ZNF277: variants seen among roughly 807,000 people sequenced by gnomAD.
ZNF277 encodes the protein zinc finger protein 277.
Under a neutral mutation model 60.7 loss-of-function variants are expected in ZNF277, and 55 were observed. The ratio of observed to expected loss-of-function variants is 0.91; its 90% CI spans 0.73 to 1.13. ZNF277 has a LOEUF of 1.13. Among genes scored for constraint, ZNF277 ranks in the 50% most tolerant of loss-of-function variants. ZNF277 has a pLI of 0.00. For missense variants in ZNF277, 510 were observed against 523.0 expected (o/e 0.98, Z 0.24); for synonymous variants, 178 against 179.3 (o/e 0.99, Z 0.06).
chr7:112,326,159 C>G (rs1174054432), intron 5 of ZNF277, among the ~76,000 whole-genome samples: 1 of 150,830 alleles, frequency 6.6e-6, no homozygotes, highest in Non-Finnish European at 1.5e-5. Context: ...AACCTCCCAA[C>G]CCACCCATAC....
chr7:112,336,018 T>C, intron 7 of ZNF277, 86 bp from the exon 8 acceptor site: 1 of 1,126,462 alleles, frequency 8.9e-7, no homozygotes, highest in South Asian at 1.5e-5. Flanking sequence ...GTTTATTTTT[T>C]TGGTTTTGAT....
chr7:112,264,170 T>G (rs766174502), intron 1 of ZNF277, among the ~76,000 whole-genome samples: 1 of 152,024 alleles, frequency 6.6e-6, no homozygotes, highest in Non-Finnish European at 1.5e-5. Context: ...AATATTACTG[T>G]GCATAAGCCA....
At chr7:112,277,077 ATTTTTTT>A (rs59902516) in intron 1 of ZNF277, among the ~76,000 whole-genome samples, 6 of 104,480 alleles carry the variant, frequency 5.7e-5, no homozygotes, top group Admixed American at 4.7e-4. Context: ...GAATCTGTTG[ATTTTTTT>A]TTTTTTTTTT....
chr7:112,251,752 T>C (rs1337941542), intron 1 of ZNF277, among the ~76,000 whole-genome samples: 1 of 152,098 alleles, frequency 6.6e-6, no homozygotes, highest in Non-Finnish European at 1.5e-5. Context: ...GATTAGGCCT[T>C]TGTATTGAAG....
intron 1 of ZNF277, among the ~76,000 whole-genome samples, chr7:112,282,597 C>T (rs1002103795): frequency 1.3e-5 from 2 of 152,234 alleles, no homozygotes; most frequent in African/African-American, 4.8e-5. Flanking sequence ...CTCTCCTCTC[C>T]TCTATCCACT....
At chr7:112,312,660 A>C (rs1252063853) in intron 4 of ZNF277, among the ~76,000 whole-genome samples, 1 of 152,138 alleles carries the variant, frequency 6.6e-6, no homozygotes, top group Non-Finnish European at 1.5e-5. Context: ...GAATGTAAAT[A>C]TTGAGTATAG....
intron 4 of ZNF277, among the ~76,000 whole-genome samples, chr7:112,303,344 T>A (rs780906348): frequency 1.3e-5 from 2 of 152,106 alleles, no homozygotes; most frequent in Non-Finnish European, 2.9e-5. Context: ...TAATATTCTG[T>A]TTTCATTGTA....
At chr7:112,224,312 A>G (rs1276240969) in intron 1 of ZNF277, among the ~76,000 whole-genome samples, 1 of 152,236 alleles carries the variant, frequency 6.6e-6, no homozygotes, top group Non-Finnish European at 1.5e-5. Context: ...ATTGTAAACA[A>G]ATTTCATAAT....
At chr7:112,209,750 A>C (rs1270214744) in intron 1 of ZNF277, among the ~76,000 whole-genome samples, 1 of 152,236 alleles carries the variant, frequency 6.6e-6, no homozygotes, top group Non-Finnish European at 1.5e-5. Flanking sequence ...TATTTATATT[A>C]AAAGTATATT....
intron 4 of ZNF277, among the ~76,000 whole-genome samples, chr7:112,312,599 C>T (rs115363060): frequency 0.013 from 1,940 of 151,984 alleles, 48 homozygotes; most frequent in African/African-American, 0.045. Context: ...TACAAATGTA[C>T]GCGTGCATGT....
chr7:112,271,977 T>C (rs888506267), intron 1 of ZNF277, among the ~76,000 whole-genome samples: 1 of 152,212 alleles, frequency 6.6e-6, no homozygotes, highest in East Asian at 1.9e-4. Flanking sequence ...GATTTTTAAA[T>C]GTACAGTACA....
intron 8 of ZNF277, 37 bp downstream of exon 8, chr7:112,336,208 T>A (rs1401942919): frequency 6.4e-7 from 1 of 1,557,888 alleles, no homozygotes; most frequent in Non-Finnish European, 8.8e-7. Flanking sequence ...ATTGCAGTGT[T>A]CCAAGAGTAA....
At position 112,340,991 on chromosome 7, in the gene ZNF277, G is replaced by A; in HGVS notation, c.1129G>A (p.Glu377Lys). ...CAAAGCAGACTTAAGAACTCACATG[G>A]AAGAAACTAAACACACTTCGCTGCT... Reference protein sequence around the residue: ...KSKADLRTHMEETKHTSLLPD... With the variant: ...KSKADLRTHMKETKHTSLLPD... Residue 377 changes from glutamate to lysine, a missense_variant, in exon 11 of 12, where the codon GAA becomes AAA. Coordinates refer to ENST00000361822, the MANE Select transcript of ZNF277 (RefSeq NM_021994.3). The A allele has an allele frequency of 6.2e-7, 1 of 1,608,994 alleles. No homozygotes were observed.
chr7:112,234,842 A>C (rs1822444019), intron 1 of ZNF277, among the ~76,000 whole-genome samples: 1 of 151,924 alleles, frequency 6.6e-6, no homozygotes, highest in South Asian at 2.1e-4. Flanking sequence ...GTTGTAAGGA[A>C]AGCTGAGCAT....
At chr7:112,285,559 C>T (rs577892129) in intron 1 of ZNF277, among the ~76,000 whole-genome samples, 10 of 151,684 alleles carry the variant, frequency 6.6e-5, no homozygotes, top group Admixed American at 2.6e-4. Context: ...CTCAGCCTCC[C>T]GAGTAGTTGG....
chr7:112,326,811 C>T (rs1472486605), intron 5 of ZNF277, among the ~76,000 whole-genome samples: 1 of 152,030 alleles, frequency 6.6e-6, no homozygotes, highest in African/African-American at 2.4e-5. Context: ...CATAGTCTAT[C>T]AATGGTACTT....
intron 2 of ZNF277, 101 bp from the exon 3 acceptor site, chr7:112,295,768 T>G: frequency 2.3e-6 from 2 of 884,802 alleles, no homozygotes; most frequent in South Asian, 3.4e-5. Context: ...ACATTTGATT[T>G]GTTGCTTTGG....
intron 1 of ZNF277, among the ~76,000 whole-genome samples, chr7:112,251,842 C>T (rs1178594977): frequency 6.6e-6 from 1 of 152,190 alleles, no homozygotes; most frequent in Non-Finnish European, 1.5e-5. Flanking sequence ...GAAATTCATA[C>T]TGAGATTTTA....
At chr7:112,291,459 CT>C (rs1309392103) in intron 2 of ZNF277, among the ~76,000 whole-genome samples, 1 of 152,158 alleles carries the variant, frequency 6.6e-6, no homozygotes, top group Non-Finnish European at 1.5e-5. Flanking sequence ...GTATGAAATA[CT>C]TTGATAACTC....
Sources: allele counts gnomAD v4.1 joint callset (sites outside exome capture counted in the v4.1 genomes callset), GRCh38; gene constraint gnomAD v4.1.1; transcripts MANE v1.5; gene names NCBI Gene and HGNC (gene_info 2026-07-23, HGNC 2026-07-21).